The following NOL4 variants were observed in gnomAD, a reference collection of about 807,000 sequenced individuals.
NOL4 encodes nucleolar protein 4.
A neutral mutation model predicts 75.9 loss-of-function variants in NOL4; 17 were observed. The observed-to-expected ratio is 0.22, with a 90% confidence interval of 0.15 to 0.34. The LOEUF (loss-of-function observed/expected upper bound fraction) is 0.34. Ranked by LOEUF, NOL4 falls within the 10% of genes least tolerant of loss-of-function variation. The probability of loss-of-function intolerance (pLI) is 1.00; values close to 1 mark genes in which losing one functional copy is unlikely to be tolerated. For synonymous variants in NOL4, 292 were observed against 289.9 expected, an observed-to-expected ratio of 1.01 and a Z score of -0.07; for missense variants, 614 against 793.5, an observed-to-expected ratio of 0.77 and a Z score of 2.72.
chr18:33,981,342 A>C (rs2071942540), intron 6 of NOL4, among the ~76,000 whole-genome samples: 1 of 151,944 alleles, frequency 6.6e-6, no homozygotes, highest in South Asian at 2.1e-4. Flanking sequence ...GAAATTCAGA[A>C]AACACCAAAC....
At chr18:33,946,146 A>G (rs1221212013) in intron 8 of NOL4, among the ~76,000 whole-genome samples, 1 of 151,772 alleles carries the variant, frequency 6.6e-6, no homozygotes, top group African/African-American at 2.4e-5. Context: ...CTCATTGGAG[A>G]AAAAGGCAGA....
chr18:34,104,990 T>C (rs139211541), intron 3 of NOL4, 59 bp downstream of exon 3: 23 of 1,037,312 alleles, frequency 2.2e-5, no homozygotes, highest in African/African-American at 2.2e-4. Context: ...AAATGTGAGA[T>C]ACAAATGGCC....
intron 1 of NOL4, among the ~76,000 whole-genome samples, chr18:34,185,293 C>T (rs2034370010): frequency 6.6e-6 from 1 of 152,060 alleles, no homozygotes; most frequent in Admixed American, 6.5e-5. Context: ...AAATAAAAGA[C>T]CATGGATTAC....
At chr18:33,899,256 C>T (rs781510394) in intron 9 of NOL4, among the ~76,000 whole-genome samples, 29 of 152,112 alleles carry the variant, frequency 1.9e-4, no homozygotes, top group Non-Finnish European at 4.0e-4. Flanking sequence ...TCATTGGTCA[C>T]CTCTTAATCC....
intron 5 of NOL4, among the ~76,000 whole-genome samples, chr18:34,062,847 G>A (rs902631556): frequency 1.3e-5 from 2 of 152,066 alleles, no homozygotes; most frequent in East Asian, 1.9e-4. Flanking sequence ...AGAATAAAAT[G>A]TCTTGAATAT....
Position 33,981,892 on chromosome 18 carries a change from G to A in NOL4, c.1057-23474C>T, listed in dbSNP as rs529809543. Reference sequence around the variant, plus strand: ...CTATAAATGAAATGTGTGATAACAAGAACATAAGAGAAGTGAGGGAAGAAT... The same window carrying A: ...CTATAAATGAAATGTGTGATAACAAAAACATAAGAGAAGTGAGGGAAGAAT... On this transcript the variant is annotated intron_variant, in intron 6 of 10. Coordinates refer to ENST00000261592, the MANE Select transcript of NOL4 (RefSeq NM_003787.5). 5.4e-4 allele frequency among the ~76,000 whole-genome samples: 82 copies of A among 152,072 alleles called. No homozygotes were observed. The South Asian group carries it at 0.017, about 31-fold the overall frequency.
chr18:33,854,702 C>G (rs2062763836), intron 10 of NOL4, among the ~76,000 whole-genome samples: 1 of 151,192 alleles, frequency 6.6e-6, no homozygotes. Context: ...GGGTTTTCCT[C>G]TCAGCTATGT....
chr18:33,865,668 C>A (rs1313553551), intron 10 of NOL4, among the ~76,000 whole-genome samples: 1 of 152,020 alleles, frequency 6.6e-6, no homozygotes, highest in Admixed American at 6.6e-5. Flanking sequence ...GGTCTTGGAA[C>A]CCTCCATCTT....
At chr18:34,059,353 C>G (rs2076974924) in intron 5 of NOL4, among the ~76,000 whole-genome samples, 1 of 151,920 alleles carries the variant, frequency 6.6e-6, no homozygotes, top group African/African-American at 2.4e-5. Flanking sequence ...TCTGGACACA[C>G]CACACTCTCT....
chr18:33,917,605 C>T (rs138376100), intron 9 of NOL4, among the ~76,000 whole-genome samples: 172 of 152,112 alleles, frequency 1.1e-3, no homozygotes, highest in African/African-American at 4.0e-3. Flanking sequence ...ACTAATCCTC[C>T]CTCCTCAGCC....
At chr18:34,099,824 C>A (rs569305968) in intron 4 of NOL4, among the ~76,000 whole-genome samples, 84 of 152,140 alleles carry the variant, frequency 5.5e-4, no homozygotes, top group Non-Finnish European at 1.1e-3. Context: ...TTGACAAGAC[C>A]CAAAATGTGA....
chr18:33,927,336 T>C (rs1170257185), intron 9 of NOL4, among the ~76,000 whole-genome samples: 1 of 152,192 alleles, frequency 6.6e-6, no homozygotes, highest in Non-Finnish European at 1.5e-5. Context: ...AACTTGGGTT[T>C]TGGTCCATAT....
chr18:33,947,963 G>A (rs545097292), intron 8 of NOL4, among the ~76,000 whole-genome samples: 25 of 151,932 alleles, frequency 1.6e-4, no homozygotes, highest in South Asian at 1.2e-3. Context: ...AAAATGTACC[G>A]TCACACCAAC....
rs78241399 is a variant in NOL4 at position 34,104,781 on chromosome 18, G to A, written c.526+268C>T. ...TTCCTTGCTGAATATATCTAAAATA[G>A]CATGAAATACATATAATAAATGAAA... On this transcript the variant is annotated intron_variant, in intron 3 of 10. Coordinates refer to ENST00000261592, the MANE Select transcript of NOL4 (RefSeq NM_003787.5). Among the ~76,000 whole-genome samples, 1,156 of 152,008 alleles carry A rather than the reference G, an allele frequency of 7.6e-3. 6 individuals are homozygous for A. Among genetic ancestry groups the A allele is most frequent in the South Asian group, 0.017 (84 of 4,812 alleles).
chr18:33,862,103 A>G (rs1161159901), intron 10 of NOL4, among the ~76,000 whole-genome samples: 1 of 152,038 alleles, frequency 6.6e-6, no homozygotes, highest in Non-Finnish European at 1.5e-5. Flanking sequence ...CAGAGCCCTC[A>G]GAAATAAAGC....
At position 33,981,688 on chromosome 18, in the gene NOL4, A is replaced by C. The variant is rs568895464; in HGVS notation, c.1057-23270T>G. Among the ~76,000 whole-genome samples, 17 of 152,274 alleles carry C rather than the reference A, an allele frequency of 1.1e-4. 1 individual carries two copies. The South Asian group carries it at 1.9e-3, about 17-fold the overall frequency. Reference sequence around the variant, plus strand: ...CTGGCTTGCAGGAGATGTTAAAAGAAGCTCTTTAGATTGAAGGAAATAATA... The same window carrying C: ...CTGGCTTGCAGGAGATGTTAAAAGACGCTCTTTAGATTGAAGGAAATAATA... On this transcript the variant is annotated intron_variant, in intron 6 of 10. Transcript: ENST00000261592.
intron 9 of NOL4, among the ~76,000 whole-genome samples, chr18:33,926,792 G>T (rs960500413): frequency 6.6e-6 from 1 of 152,098 alleles, no homozygotes; most frequent in Non-Finnish European, 1.5e-5. Flanking sequence ...TAGAGACGGG[G>T]TTTCACCATG....
At chr18:34,027,576 A>T (rs2075408015) in intron 5 of NOL4, among the ~76,000 whole-genome samples, 1 of 151,944 alleles carries the variant, frequency 6.6e-6, no homozygotes, top group Non-Finnish European at 1.5e-5. Flanking sequence ...TAAATTAATG[A>T]CTCTAAACCA....
intron 2 of NOL4, among the ~76,000 whole-genome samples, chr18:34,115,525 G>T (rs1344576682): frequency 6.8e-6 from 1 of 146,134 alleles, no homozygotes; most frequent in Non-Finnish European, 1.5e-5. Context: ...GAAAAGATAA[G>T]CAACATGGAA....
Sources: allele counts gnomAD v4.1 joint callset (sites outside exome capture counted in the v4.1 genomes callset), GRCh38; gene constraint gnomAD v4.1.1; transcripts MANE v1.5; gene names NCBI Gene and HGNC (gene_info 2026-07-23, HGNC 2026-07-21).